The following LDLRAD3 variants were observed in gnomAD, a reference collection of about 807,000 sequenced individuals.
The protein encoded by LDLRAD3 is low-density lipoprotein receptor class A domain-containing protein 3.
LDLRAD3 carries 20 observed loss-of-function variants against 29.4 expected under a neutral mutation model. The observed-to-expected ratio is 0.68, with a 90% CI of 0.48 to 0.99. The LOEUF (loss-of-function observed/expected upper bound fraction) is 0.99. Ranked by LOEUF, LDLRAD3 falls within the 50% of genes least tolerant of loss-of-function variation. The pLI, the probability that LDLRAD3 is intolerant of heterozygous loss-of-function variation, is 0.00. For missense variants in LDLRAD3, 420 were observed against 454.3 expected (o/e 0.92, Z 0.69); for synonymous variants, 157 against 192.7 (o/e 0.81, Z 1.53).
chr11:35,965,731 A>G (rs947062782), intron 1 of LDLRAD3, among the ~76,000 whole-genome samples: 1 of 152,164 alleles, frequency 6.6e-6, no homozygotes, highest in African/African-American at 2.4e-5. Context: ...ATGCTCTTAA[A>G]TAGTCTTTGG....
chr11:36,228,057 A>T (rs1855524623), intron 5 of LDLRAD3, among the ~76,000 whole-genome samples: 1 of 152,210 alleles, frequency 6.6e-6, no homozygotes, highest in Non-Finnish European at 1.5e-5. Context: ...CCCAGTATGT[A>T]TAAAGCCAGG....
At chr11:35,962,773 A>G (rs1851293929) in intron 1 of LDLRAD3, among the ~76,000 whole-genome samples, 1 of 152,224 alleles carries the variant, frequency 6.6e-6, no homozygotes, top group Middle Eastern at 3.2e-3. Flanking sequence ...GACTTGAGCT[A>G]TTTGCATACA....
intron 1 of LDLRAD3, among the ~76,000 whole-genome samples, chr11:35,982,503 G>T (rs1851554109): frequency 6.6e-6 from 1 of 152,170 alleles, no homozygotes; most frequent in Non-Finnish European, 1.5e-5. Flanking sequence ...TGGAGGTTAG[G>T]ACTCCGGCAT....
Position 36,087,882 on chromosome 11 carries a change from T to A in LDLRAD3, c.319+6104T>A, listed in dbSNP as rs114824582. On this transcript the variant is annotated intron_variant, in intron 3 of 5. Transcript: ENST00000315571. ...GCGCACACTACCACACCAGGCTAAA[T>A]TTTTTGTCGTATTTTTAGTAGTGTC... 9.2e-3 allele frequency among the ~76,000 whole-genome samples: 1,406 copies of A among 152,120 alleles called. 29 individuals are homozygous for A. The highest frequency in any genetic ancestry group is 0.033 in the African/African-American group (1,358 of 41,476).
At chr11:36,185,882 T>A (rs1254147680) in intron 4 of LDLRAD3, among the ~76,000 whole-genome samples, 6 of 152,214 alleles carry the variant, frequency 3.9e-5, no homozygotes, top group African/African-American at 1.4e-4. Context: ...TAGACAGAGC[T>A]AAGAGACGCC....
chr11:36,190,168 A>G (rs1590342762), intron 4 of LDLRAD3, among the ~76,000 whole-genome samples: 1 of 152,162 alleles, frequency 6.6e-6, no homozygotes. Context: ...AACCTAAAAG[A>G]TGACTGAAGA....
At chr11:36,189,415 C>T (rs1018805840) in intron 4 of LDLRAD3, among the ~76,000 whole-genome samples, 1 of 151,752 alleles carries the variant, frequency 6.6e-6, no homozygotes, top group African/African-American at 2.4e-5. Flanking sequence ...ACCCGAGAGG[C>T]GGAGGTTGCA....
intron 4 of LDLRAD3, among the ~76,000 whole-genome samples, chr11:36,147,655 C>T (rs1015177870): frequency 3.9e-5 from 6 of 152,184 alleles, no homozygotes; most frequent in South Asian, 2.1e-4. Context: ...ATTCCTAAAA[C>T]AATCAGTGTT....
chr11:35,958,668 C>A (rs1851237165), intron 1 of LDLRAD3, among the ~76,000 whole-genome samples: 2 of 152,128 alleles, frequency 1.3e-5, no homozygotes, highest in African/African-American at 4.8e-5. Context: ...AGCCTTGGAT[C>A]TTCTTTTCTT....
chr11:36,022,726 C>T (rs973525159), intron 1 of LDLRAD3, among the ~76,000 whole-genome samples: 1 of 152,196 alleles, frequency 6.6e-6, no homozygotes, highest in Admixed American at 6.5e-5. Flanking sequence ...AATTTTTAAA[C>T]TTGCTTCGTT....
chr11:35,976,788 G>C (rs1442447370), intron 1 of LDLRAD3, among the ~76,000 whole-genome samples: 1 of 152,164 alleles, frequency 6.6e-6, no homozygotes, highest in Admixed American at 6.5e-5. Flanking sequence ...TTTCAAAAGA[G>C]TCTATTTTAG....
At chr11:36,118,179 A>G (rs1430788122) in intron 4 of LDLRAD3, among the ~76,000 whole-genome samples, 1 of 152,122 alleles carries the variant, frequency 6.6e-6, no homozygotes, top group Non-Finnish European at 1.5e-5. Context: ...CACTCCAGAT[A>G]CCAATAGTAC....
intron 2 of LDLRAD3, among the ~76,000 whole-genome samples, chr11:36,076,748 C>T (rs929188842): frequency 1.3e-5 from 2 of 152,172 alleles, no homozygotes; most frequent in Non-Finnish European, 2.9e-5. Flanking sequence ...AATATATTTA[C>T]ATATTTGTTC....
intron 1 of LDLRAD3, among the ~76,000 whole-genome samples, chr11:36,016,554 C>T (rs1852025193): frequency 6.6e-6 from 1 of 152,176 alleles, no homozygotes; most frequent in African/African-American, 2.4e-5. Context: ...CACCTCTCCC[C>T]TAAATCATCT....
At chr11:35,967,777 A>G in intron 1 of LDLRAD3, 1 of 465,724 alleles carries the variant, frequency 2.1e-6, no homozygotes, top group Non-Finnish European at 4.3e-6. Context: ...CTTGGAAGTG[A>G]TTAGTAGACT....
chr11:36,155,771 T>C (rs1419170984), intron 4 of LDLRAD3, among the ~76,000 whole-genome samples: 1 of 152,150 alleles, frequency 6.6e-6, no homozygotes, highest in Admixed American at 6.5e-5. Flanking sequence ...GCCTGGCTCA[T>C]AGTAGGTGCG....
At chr11:36,074,398 A>G (rs1222226030) in intron 2 of LDLRAD3, among the ~76,000 whole-genome samples, 1 of 152,198 alleles carries the variant, frequency 6.6e-6, no homozygotes, top group Non-Finnish European at 1.5e-5. Context: ...ACTGAGTAAG[A>G]TGGAGGAGTG....
At chr11:36,105,205 TTGTGTGTGTGTGTGTGTG>T (rs10565208) in intron 4 of LDLRAD3, among the ~76,000 whole-genome samples, 2 of 138,470 alleles carry the variant, frequency 1.4e-5, no homozygotes, top group African/African-American at 5.8e-5. Flanking sequence ...TCTGCAGAAT[TTGTGTGTGTGTGTGTGTG>T]TGTGTGTGTG....
intron 1 of LDLRAD3, among the ~76,000 whole-genome samples, chr11:36,034,015 A>G (rs1852273164): frequency 6.6e-6 from 1 of 152,258 alleles, no homozygotes; most frequent in Non-Finnish European, 1.5e-5. Flanking sequence ...ATGTTGTTCC[A>G]TGCTCTGGGC....
Sources: gnomAD v4.1 joint callset for allele counts (sites outside exome capture counted in the v4.1 genomes callset) on GRCh38, gnomAD v4.1.1 for gene constraint, MANE v1.5 for transcripts, NCBI Gene and HGNC (gene_info 2026-07-23, HGNC 2026-07-21) for gene names.